PCDHA8: variants seen among roughly 807,000 people sequenced by gnomAD.
The protein encoded by PCDHA8 is protocadherin alpha-8.
In PCDHA8, 53 loss-of-function variants were observed where a neutral mutation model predicts 61.8. The ratio of observed to expected loss-of-function variants is 0.86; its 90% CI spans 0.69 to 1.08. The LOEUF (loss-of-function observed/expected upper bound fraction) is 1.08, where lower values mean the gene tolerates loss of function less well. Among genes scored for constraint, PCDHA8 ranks in the 50% least tolerant of loss-of-function variants. The pLI, the probability that PCDHA8 is intolerant of heterozygous loss-of-function variation, is 0.00. For missense variants in PCDHA8, 1,293 were observed against 1,245.0 expected, an observed-to-expected ratio of 1.04 and a Z score of -0.58; for synonymous variants, 618 against 556.6, an observed-to-expected ratio of 1.11 and a Z score of -1.55.
intron 1 of PCDHA8, among the ~76,000 whole-genome samples, chr5:140,935,909 T>C (rs1452831803): frequency 6.6e-6 from 1 of 151,600 alleles, no homozygotes; most frequent in African/African-American, 2.4e-5. Flanking sequence ...TTTTTTTTTT[T>C]TGAGACAGAT....
chr5:140,967,691 A>G (rs1586235214), intron 1 of PCDHA8: 1 of 1,614,162 alleles, frequency 6.2e-7, no homozygotes, highest in East Asian at 2.2e-5. Flanking sequence ...GCAGCTCTTC[A>G]GCATAGATGC....
chr5:140,954,116 G>A (rs1190456994), intron 1 of PCDHA8, among the ~76,000 whole-genome samples: 2 of 152,118 alleles, frequency 1.3e-5, no homozygotes, highest in East Asian at 3.9e-4. Context: ...ACAAGATCTT[G>A]TTCCTTTTTA....
chr5:140,942,944 T>C (rs368380576), intron 1 of PCDHA8, among the ~76,000 whole-genome samples: 1 of 151,862 alleles, frequency 6.6e-6, no homozygotes, highest in African/African-American at 2.4e-5. Context: ...GTTTAAAGTG[T>C]AGACGTTCTG....
intron 1 of PCDHA8, among the ~76,000 whole-genome samples, chr5:140,906,048 C>A (rs1482228569): frequency 1.3e-5 from 2 of 152,170 alleles, no homozygotes; most frequent in South Asian, 2.1e-4. Context: ...TTTATTCTGG[C>A]TGCACTGGCA....
At chr5:140,869,453 T>C in intron 1 of PCDHA8, 1 of 1,614,214 alleles carries the variant, frequency 6.2e-7, no homozygotes, top group Non-Finnish European at 8.5e-7. Flanking sequence ...CTGCAGGTTT[T>C]CCATGTGAAC....
At chr5:140,873,722 G>A (rs371744747) in intron 1 of PCDHA8, among the ~76,000 whole-genome samples, 2 of 152,198 alleles carry the variant, frequency 1.3e-5, no homozygotes, top group South Asian at 2.1e-4. Flanking sequence ...GTGCAGTGGC[G>A]CAATCTCAGC....
At chr5:140,966,712 T>C (rs2153748592) in intron 1 of PCDHA8, 2 of 1,392,090 alleles carry the variant, frequency 1.4e-6, no homozygotes, top group Middle Eastern at 2.7e-4. Flanking sequence ...GGGGCACGGC[T>C]GGGGAAGCTG....
chr5:140,925,125 A>G (rs1399052853), intron 1 of PCDHA8, among the ~76,000 whole-genome samples: 2 of 150,878 alleles, frequency 1.3e-5, no homozygotes, highest in African/African-American at 2.4e-5. Flanking sequence ...AAGGAAGGAA[A>G]AAAAATTTCA....
At chr5:140,985,712 A>G (rs1319708410) in intron 3 of PCDHA8, among the ~76,000 whole-genome samples, 2 of 148,826 alleles carry the variant, frequency 1.3e-5, no homozygotes, top group Non-Finnish European at 3.0e-5. Context: ...TGTTTCTTAA[A>G]GTTATTTTTC....
chr5:140,926,881 C>G, intron 1 of PCDHA8: 1 of 1,541,960 alleles, frequency 6.5e-7, no homozygotes, highest in Non-Finnish European at 8.8e-7. Context: ...AACGTGGACG[C>G]CTAGAGGGAG....
chr5:140,887,649 T>C (rs2061527192), intron 1 of PCDHA8, among the ~76,000 whole-genome samples: 1 of 152,162 alleles, frequency 6.6e-6, no homozygotes, highest in South Asian at 2.1e-4. Context: ...TTTGTTGATA[T>C]TCTTGGATCT....
Position 140,967,255 on chromosome 5 carries a change from T to C in PCDHA8, c.2395-11694T>C, listed in dbSNP as rs202164321. ...TTCAGGTAAGCGAATCGGTGGCGCC[T>C]GGAGCGCGCTTTCACATAGAGAGTG... On this transcript the variant is annotated intron_variant, in intron 1 of 3. Coordinates refer to ENST00000531613, the MANE Select transcript of PCDHA8 (RefSeq NM_018911.3). The C allele has an allele frequency of 1.8e-4, 297 of 1,613,460 alleles. 1 individual carries two copies. The East Asian group carries it at 6.5e-3, about 35-fold the overall frequency.
intron 1 of PCDHA8, among the ~76,000 whole-genome samples, chr5:140,975,537 C>T (rs1554236874): frequency 6.6e-6 from 1 of 152,166 alleles, no homozygotes; most frequent in African/African-American, 2.4e-5. Context: ...ATTCTTAATA[C>T]AGTCCTATTA....
At chr5:140,915,273 A>C (rs2077054431) in intron 1 of PCDHA8, among the ~76,000 whole-genome samples, 1 of 152,090 alleles carries the variant, frequency 6.6e-6, no homozygotes, top group South Asian at 2.1e-4. Flanking sequence ...TGACCAGTTC[A>C]TCATTTACTC....
chr5:140,906,646 G>GT (rs35557065), intron 1 of PCDHA8, among the ~76,000 whole-genome samples: 1 of 152,192 alleles, frequency 6.6e-6, no homozygotes, highest in Non-Finnish European at 1.5e-5. Context: ...GCAGGTAGTG[G>GT]TTTTTTCCTG....
At chr5:140,882,361 C>T (rs2059095511) in intron 1 of PCDHA8, 1 of 1,614,204 alleles carries the variant, frequency 6.2e-7, no homozygotes, top group Non-Finnish European at 8.5e-7. Context: ...GTGGCCAGCT[C>T]CACTACTCCG....
At chr5:140,877,725 G>A (rs570815670) in intron 1 of PCDHA8, 1 of 1,614,124 alleles carries the variant, frequency 6.2e-7, no homozygotes, top group Non-Finnish European at 8.5e-7. Flanking sequence ...GGTCTTACTC[G>A]CAGCAGAGGA....
chr5:140,968,125 TAC>T, intron 1 of PCDHA8: 1 of 1,614,174 alleles, frequency 6.2e-7, no homozygotes, highest in Non-Finnish European at 8.5e-7. Context: ...CATCCCTGCG[TAC>T]ACTGAAGGTT....
At position 140,845,330 on chromosome 5, in the gene PCDHA8, G is replaced by C. The variant is rs2150378470; in HGVS notation, c.2394+1615G>C. ...GTTCTCAGGTATTACTTTAATTACTGAATTCTCCTAAACATTTAATTGACT... is the reference window on the plus strand; with the variant it reads ...GTTCTCAGGTATTACTTTAATTACTCAATTCTCCTAAACATTTAATTGACT... On this transcript the variant is annotated intron_variant, in intron 1 of 3. Coordinates refer to ENST00000531613, the MANE Select transcript of PCDHA8 (RefSeq NM_018911.3). Among the ~76,000 whole-genome samples the C allele has an allele frequency of 1.2e-4, 18 of 149,276 alleles. 2 individuals carry two copies. Among genetic ancestry groups the C allele is most frequent in the Non-Finnish European group, 2.2e-4 (15 of 66,728 alleles).
Sources: gnomAD v4.1 joint callset for allele counts (sites outside exome capture counted in the v4.1 genomes callset) on GRCh38, gnomAD v4.1.1 for gene constraint, MANE v1.5 for transcripts, NCBI Gene and HGNC (gene_info 2026-07-23, HGNC 2026-07-21) for gene names.